The following RAB11FIP4 variants were observed in gnomAD, a reference collection of about 807,000 sequenced individuals.
The protein encoded by RAB11FIP4 is RAB11 family interacting protein 4, also known as rab11 family-interacting protein 4.
In RAB11FIP4, 23 loss-of-function variants were observed where a neutral mutation model predicts 74.3. The ratio of observed to expected loss-of-function variants is 0.31; its 90% confidence interval spans 0.22 to 0.44. The LOEUF (loss-of-function observed/expected upper bound fraction) is 0.44. RAB11FIP4 is among the 20% of genes least tolerant of loss of function. RAB11FIP4 has a pLI of 1.00. For synonymous variants in RAB11FIP4, 360 were observed against 359.9 expected (o/e 1.00, Z 0.00); for missense variants, 630 against 863.9 (o/e 0.73, Z 3.39).
At position 31,531,904 on chromosome 17, in the gene RAB11FIP4, T is replaced by A; in HGVS notation, c.*172T>A. On this transcript the variant is annotated 3_prime_UTR_variant, in exon 15 of 15. Coordinates refer to ENST00000621161, the MANE Select transcript of RAB11FIP4 (RefSeq NM_032932.6). ...GGAGGCTGTGCACACGAGCGAGGGG[T>A]GAGTGGCCGTGGCTGTGGGCAGCAT... 1 of 594,430 alleles carries A rather than the reference T, an allele frequency of 1.7e-6. No individual in the cohort carries two copies. Among genetic ancestry groups the A allele is most frequent in the East Asian group, 2.8e-5 (1 of 35,624 alleles). 36.8% of individuals were successfully genotyped at this position (594,430 alleles called of 1,614,324 possible). A position where few individuals can be genotyped will look rare whatever the true frequency, so the allele number is the denominator to read the frequency against.
intron 3 of RAB11FIP4, among the ~76,000 whole-genome samples, chr17:31,475,126 G>A (rs2071778994): frequency 6.6e-6 from 1 of 152,130 alleles, no homozygotes; most frequent in Non-Finnish European, 1.5e-5. Flanking sequence ...GGGCCCACAT[G>A]GAAGGGTCCA....
At chr17:31,440,709 C>A (rs1438467598) in intron 3 of RAB11FIP4, among the ~76,000 whole-genome samples, 1 of 152,200 alleles carries the variant, frequency 6.6e-6, no homozygotes, top group African/African-American at 2.4e-5. Context: ...GCGGAGGTTG[C>A]AGTGAGCTGA....
chr17:31,456,842 T>A (rs2142710559), intron 3 of RAB11FIP4, among the ~76,000 whole-genome samples: 1 of 152,306 alleles, frequency 6.6e-6, no homozygotes, highest in South Asian at 2.1e-4. Context: ...AGGATTATTA[T>A]TGCCTGGGGG....
intron 1 of RAB11FIP4, among the ~76,000 whole-genome samples, chr17:31,409,705 C>T (rs1268396783): frequency 1.3e-5 from 2 of 152,178 alleles, no homozygotes; most frequent in African/African-American, 2.4e-5. Context: ...TTTCTGCAGC[C>T]CTCTGCCTCC....
At chr17:31,492,382 G>T (rs1022445405) in intron 3 of RAB11FIP4, among the ~76,000 whole-genome samples, 1 of 152,190 alleles carries the variant, frequency 6.6e-6, no homozygotes, top group Non-Finnish European at 1.5e-5. Flanking sequence ...TTCGGATGGG[G>T]CATCCTGTTC....
intron 1 of RAB11FIP4, among the ~76,000 whole-genome samples, chr17:31,417,111 C>T (rs1171707499): frequency 6.6e-6 from 1 of 151,842 alleles, no homozygotes; most frequent in African/African-American, 2.4e-5. Flanking sequence ...CCTTCACGTC[C>T]TTCCCCACTG....
Position 31,536,152 on chromosome 17 carries a change from T to C in RAB11FIP4, c.*4420T>C, listed in dbSNP as rs1219415313. On this transcript the variant is annotated 3_prime_UTR_variant, in exon 15 of 15. Transcript: ENST00000621161. ...AAACTGGGAGAAATGAAGCCCTCTG[T>C]GTCCTGTGTGTGTGGTGGGGTTTAA... is the stretch of plus-strand genomic sequence containing the variant. The C allele has an allele frequency of 6.6e-6, 1 of 152,082 alleles. No homozygotes were observed. Among genetic ancestry groups the C allele is most frequent in the Non-Finnish European group, 1.5e-5 (1 of 68,050 alleles). The allele number at this position is 152,082 out of a possible 1,614,324, so 9.4% of individuals were successfully genotyped here.
intron 3 of RAB11FIP4, among the ~76,000 whole-genome samples, chr17:31,448,697 C>T (rs1024856498): frequency 6.6e-6 from 1 of 152,078 alleles, no homozygotes; most frequent in Non-Finnish European, 1.5e-5. Context: ...CAAGGCTGGC[C>T]TCAAGGAGGC....
chr17:31,438,232 G>A (rs1302906575), intron 3 of RAB11FIP4, among the ~76,000 whole-genome samples: 2 of 152,018 alleles, frequency 1.3e-5, no homozygotes, highest in African/African-American at 2.4e-5. Context: ...TGGAGAGCCC[G>A]ACACTCGGGT....
intron 1 of RAB11FIP4, among the ~76,000 whole-genome samples, chr17:31,425,959 G>T (rs902777517): frequency 2.0e-5 from 3 of 152,172 alleles, no homozygotes; most frequent in Admixed American, 6.5e-5. Context: ...CCCTCCCCCC[G>T]CTGGGACCTC....
At chr17:31,472,362 C>T (rs1464561528) in intron 3 of RAB11FIP4, among the ~76,000 whole-genome samples, 5 of 152,094 alleles carry the variant, frequency 3.3e-5, no homozygotes, top group South Asian at 2.1e-4. Context: ...CGGGGCCAGC[C>T]GCAGGGAGCT....
At chr17:31,521,093 C>T (rs1443656356) in intron 4 of RAB11FIP4, 73 bp from the exon 5 acceptor site, 3 of 1,213,148 alleles carry the variant, frequency 2.5e-6, no homozygotes, top group Non-Finnish European at 3.4e-6. Context: ...AAATGCCTGT[C>T]AGTTTCCCCA....
At chr17:31,425,361 G>A (rs957237913) in intron 1 of RAB11FIP4, among the ~76,000 whole-genome samples, 1 of 152,166 alleles carries the variant, frequency 6.6e-6, no homozygotes, top group Non-Finnish European at 1.5e-5. Context: ...AAGATAAGCC[G>A]GCTTATCTCA....
At chr17:31,457,217 G>A (rs142837347) in intron 3 of RAB11FIP4, among the ~76,000 whole-genome samples, 192 of 152,244 alleles carry the variant, frequency 1.3e-3, no homozygotes, top group Middle Eastern at 3.4e-3. Context: ...ACAGGTTCTC[G>A]ACTGTGTTCT....
chr17:31,407,573 T>C (rs945249973), intron 1 of RAB11FIP4, among the ~76,000 whole-genome samples: 2 of 152,230 alleles, frequency 1.3e-5, no homozygotes, highest in Admixed American at 1.3e-4. Context: ...CAGATTTCCC[T>C]AGTTGTCATA....
intron 1 of RAB11FIP4, among the ~76,000 whole-genome samples, chr17:31,403,577 C>T (rs916040166): frequency 6.6e-6 from 1 of 152,144 alleles, no homozygotes; most frequent in Admixed American, 6.5e-5. Flanking sequence ...CCATCTTGGC[C>T]TCCCAAAGTC....
At chr17:31,509,882 A>G (rs1020137890) in intron 3 of RAB11FIP4, among the ~76,000 whole-genome samples, 5 of 151,996 alleles carry the variant, frequency 3.3e-5, no homozygotes, top group East Asian at 1.9e-4. Context: ...CTCTGGGTGG[A>G]TGCTTGAACC....
chr17:31,519,005 G>A (rs1597977126), intron 4 of RAB11FIP4, among the ~76,000 whole-genome samples: 1 of 116,476 alleles, frequency 8.6e-6, no homozygotes, highest in Non-Finnish European at 1.7e-5. Context: ...GCTAAGTTTT[G>A]TCTTTTTTTT....
At chr17:31,470,723 TG>T (rs1274656985) in intron 3 of RAB11FIP4, among the ~76,000 whole-genome samples, 4 of 152,208 alleles carry the variant, frequency 2.6e-5, no homozygotes, top group African/African-American at 7.2e-5. Flanking sequence ...CTGTCCTGTG[TG>T]GTAGGTACGT....
Sources: gnomAD v4.1 joint callset for allele counts (sites outside exome capture counted in the v4.1 genomes callset) on GRCh38, gnomAD v4.1.1 for gene constraint, MANE v1.5 for transcripts, NCBI Gene and HGNC (gene_info 2026-07-23, HGNC 2026-07-21) for gene names.